MEI4: variants seen among roughly 807,000 people sequenced by gnomAD.
MEI4 encodes meiosis-specific protein MEI4.
MEI4 carries 27 observed loss-of-function variants against 31.4 expected under a neutral mutation model. The ratio of observed to expected loss-of-function variants is 0.86; its 90% CI spans 0.63 to 1.19. The LOEUF is 1.19. Among genes scored for constraint, MEI4 ranks in the 50% most tolerant of loss-of-function variants. The pLI, the probability that MEI4 is intolerant of heterozygous loss-of-function variation, is 0.00. For missense variants in MEI4, 329 were observed against 398.9 expected (o/e 0.82, Z 1.49); for synonymous variants, 122 against 145.4 (o/e 0.84, Z 1.16).
At chr6:77,766,575 G>A (rs1479251625) in intron 3 of MEI4, among the ~76,000 whole-genome samples, 4 of 151,898 alleles carry the variant, frequency 2.6e-5, no homozygotes, top group Non-Finnish European at 4.4e-5. Flanking sequence ...CACCACACCC[G>A]GCTAATTTTT....
intron 2 of MEI4, among the ~76,000 whole-genome samples, chr6:77,691,185 A>G (rs568913102): frequency 6.6e-6 from 1 of 152,120 alleles, no homozygotes; most frequent in South Asian, 2.1e-4. Context: ...ATTTTACTAT[A>G]CATTTTATTT....
chr6:77,757,449 A>G (rs1767943519), intron 2 of MEI4, among the ~76,000 whole-genome samples: 1 of 152,212 alleles, frequency 6.6e-6, no homozygotes, highest in South Asian at 2.1e-4. Context: ...AAAGGTGGTC[A>G]ATGTTGTGTA....
intron 1 of MEI4, among the ~76,000 whole-genome samples, chr6:77,669,512 C>T (rs1161237333): frequency 6.6e-6 from 1 of 152,026 alleles, no homozygotes; most frequent in African/African-American, 2.4e-5. Context: ...TTTATTATTA[C>T]TGTTATTATT....
intron 3 of MEI4, among the ~76,000 whole-genome samples, chr6:77,764,632 T>G (rs1768123899): frequency 1.3e-5 from 2 of 152,146 alleles, no homozygotes; most frequent in Admixed American, 1.3e-4. Context: ...TACAGAACTT[T>G]CCAGTCAACA....
intron 1 of MEI4, among the ~76,000 whole-genome samples, chr6:77,658,450 CAG>C (rs1469328993): frequency 6.6e-6 from 1 of 152,006 alleles, no homozygotes; most frequent in African/African-American, 2.4e-5. Flanking sequence ...GGCTTGGGCT[CAG>C]AGGCCTGACA....
chr6:77,760,996 C>T, intron 2 of MEI4, 134 bp from the exon 3 acceptor site: 1 of 592,894 alleles, frequency 1.7e-6, no homozygotes, highest in Non-Finnish European at 2.5e-6. Flanking sequence ...TCAGTTTTTA[C>T]ACTACTGCTT....
chr6:77,822,044 A>C (rs1337208021), intron 3 of MEI4, among the ~76,000 whole-genome samples: 1 of 151,998 alleles, frequency 6.6e-6, no homozygotes, highest in Non-Finnish European at 1.5e-5. Flanking sequence ...CTGAAAGTTT[A>C]TTGTCTGATT....
intron 4 of MEI4, among the ~76,000 whole-genome samples, chr6:77,917,984 A>G (rs1766603370): frequency 6.6e-6 from 1 of 151,658 alleles, no homozygotes; most frequent in South Asian, 2.1e-4. Flanking sequence ...CTTTCTACAT[A>G]TGGCTAGCCA....
At chr6:77,758,585 A>T (rs1306926318) in intron 2 of MEI4, among the ~76,000 whole-genome samples, 2 of 152,080 alleles carry the variant, frequency 1.3e-5, no homozygotes. Flanking sequence ...AATCTCCTTT[A>T]ATTTCCTGTA....
At chr6:77,670,378 G>A (rs982477951) in intron 1 of MEI4, among the ~76,000 whole-genome samples, 2 of 151,992 alleles carry the variant, frequency 1.3e-5, no homozygotes, top group Non-Finnish European at 2.9e-5. Flanking sequence ...ACTGAACACA[G>A]CTAGGAGGCA....
intron 3 of MEI4, among the ~76,000 whole-genome samples, chr6:77,805,891 G>A (rs1272327815): frequency 6.6e-6 from 1 of 151,662 alleles, no homozygotes; most frequent in African/African-American, 2.4e-5. Context: ...GCATTAGAAT[G>A]GATTATTAGA....
chr6:77,681,204 G>C (rs1768951376), intron 1 of MEI4, among the ~76,000 whole-genome samples: 1 of 152,046 alleles, frequency 6.6e-6, no homozygotes, highest in Admixed American at 6.6e-5. Context: ...TTGCTTTCTG[G>C]ATTCATCCTA....
intron 3 of MEI4, among the ~76,000 whole-genome samples, chr6:77,793,786 T>C (rs1769004427): frequency 6.6e-6 from 1 of 151,694 alleles, no homozygotes. Context: ...AGCCTCTAAT[T>C]GATACAGAAA....
chr6:77,664,809 A>AT (rs1768591217), intron 1 of MEI4, among the ~76,000 whole-genome samples: 2 of 152,122 alleles, frequency 1.3e-5, no homozygotes, highest in Admixed American at 1.3e-4. Context: ...TAAGACAAGA[A>AT]TTATTTAGAT....
chr6:77,800,286 GCTCT>G (rs974627588), intron 3 of MEI4, among the ~76,000 whole-genome samples: 20 of 152,088 alleles, frequency 1.3e-4, no homozygotes, highest in Admixed American at 1.3e-3. Flanking sequence ...TCATGATTCG[GCTCT>G]CTGTTTGTCT....
intron 3 of MEI4, among the ~76,000 whole-genome samples, chr6:77,803,012 T>C (rs1769314285): frequency 6.6e-6 from 1 of 152,192 alleles, no homozygotes; most frequent in Non-Finnish European, 1.5e-5. Flanking sequence ...AATTTGAATG[T>C]TGGCCTGCCT....
intron 2 of MEI4, among the ~76,000 whole-genome samples, chr6:77,713,434 C>G (rs1420285456): frequency 6.6e-6 from 1 of 152,060 alleles, no homozygotes; most frequent in East Asian, 1.9e-4. Context: ...ATATAAACAA[C>G]TGAATCTAGC....
intron 2 of MEI4, among the ~76,000 whole-genome samples, chr6:77,748,730 G>T (rs1023865950): frequency 1.3e-5 from 2 of 152,182 alleles, no homozygotes; most frequent in Non-Finnish European, 2.9e-5. Flanking sequence ...ACATGGTCAG[G>T]CTGCAAATTT....
In MEI4 at chr6:77,847,923, A is replaced by G. The variant is rs1383871843; in HGVS notation, c.900+18861A>G. Among the ~76,000 whole-genome samples the G allele has an allele frequency of 3.9e-5, 6 of 152,142 alleles. No individual in the cohort carries two copies. Among genetic ancestry groups the G allele is most frequent in the Non-Finnish European group, 8.8e-5 (6 of 68,028 alleles). On this transcript the variant is annotated intron_variant, in intron 4 of 4. Transcript: ENST00000684080. The surrounding 1 kb of genome is among the most constrained non-coding windows in gnomAD (Gnocchi z 4.6). ...GTTTTCCAAGCTGTAATTCACTCAG[A>G]ATTAGAAAGGAAAAAAGGAAAGGAA...
Sources: gnomAD v4.1 joint callset for allele counts (sites outside exome capture counted in the v4.1 genomes callset) on GRCh38, gnomAD v4.1.1 for gene constraint, Gnocchi (gnomAD v3.1) non-coding constraint, MANE v1.5 for transcripts, NCBI Gene and HGNC (gene_info 2026-07-23, HGNC 2026-07-21) for gene names.